Variants in ADAMTSL1 observed in about 807,000 individuals in gnomAD.
ADAMTSL1 encodes the protein ADAMTS-like protein 1.
In ADAMTSL1, 126 loss-of-function variants were observed where a neutral mutation model predicts 201.8. The observed-to-expected ratio is 0.62, with a 90% CI of 0.54 to 0.72. ADAMTSL1 has a LOEUF of 0.72. Among genes scored for constraint, ADAMTSL1 ranks in the 30% least tolerant of loss-of-function variants. The pLI is 0.00. For missense variants in ADAMTSL1, 2,679 were observed against 2,277.8 expected, an observed-to-expected ratio of 1.18 and a Z score of -3.59; for synonymous variants, 1,121 against 903.4, an observed-to-expected ratio of 1.24 and a Z score of -4.32.
intron 10 of ADAMTSL1, among the ~76,000 whole-genome samples, chr9:18,679,881 A>G (rs1321022028): frequency 2.0e-5 from 3 of 152,234 alleles, no homozygotes; most frequent in African/African-American, 7.2e-5. Flanking sequence ...TTGAAAATAA[A>G]AAGTATCTGC....
intron 4 of ADAMTSL1, among the ~76,000 whole-genome samples, chr9:18,592,504 G>A (rs1357552697): frequency 2.0e-5 from 3 of 152,108 alleles, no homozygotes; most frequent in Non-Finnish European, 4.4e-5. Flanking sequence ...GATCAGCTTC[G>A]ATGATTGCTC....
chr9:18,164,811 C>T (rs1194772343), intron 2 of ADAMTSL1, among the ~76,000 whole-genome samples: 1 of 151,838 alleles, frequency 6.6e-6, no homozygotes. Flanking sequence ...TCTTGACTGC[C>T]CTCTCTCAAG....
At position 17,946,162 on chromosome 9, in the gene ADAMTSL1, A is replaced by AT. The variant is rs113786695; in HGVS notation, c.87+39251dup. Among the ~76,000 whole-genome samples the AT allele has an allele frequency of 6.1e-3, 863 of 140,472 alleles. 8 individuals are homozygous for AT. The highest frequency in any genetic ancestry group is 0.014 in the South Asian group (64 of 4,422). 92.2% of individuals were successfully genotyped at this position (140,472 alleles called of 152,430 possible). On this transcript the variant is annotated intron_variant, in intron 1 of 29. Coordinates refer to the ADAMTSL1 transcript ENST00000680146. Reference sequence around the variant, plus strand: ...TCTCTCATGACCACCATGCCCAGCTATTTTTTTTTTTATTTTGAGTAGAGA... The same window carrying AT: ...TCTCTCATGACCACCATGCCCAGCTATTTTTTTTTTTTATTTTGAGTAGAGA...
intron 1 of ADAMTSL1, among the ~76,000 whole-genome samples, chr9:17,924,113 T>G (rs1826421154): frequency 6.7e-6 from 1 of 148,314 alleles, no homozygotes; most frequent in Admixed American, 6.7e-5. Context: ...CTGCCCGGCT[T>G]TGGTATCAGA....
chr9:18,879,365 C>T (rs1443880766), intron 23 of ADAMTSL1, among the ~76,000 whole-genome samples: 3 of 152,186 alleles, frequency 2.0e-5, no homozygotes, highest in South Asian at 2.1e-4. Context: ...AACTAACCTT[C>T]ACAGTAACAA....
intron 2 of ADAMTSL1, among the ~76,000 whole-genome samples, chr9:18,289,355 C>T (rs1309709988): frequency 6.6e-6 from 1 of 152,102 alleles, no homozygotes; most frequent in Admixed American, 6.5e-5. Flanking sequence ...TCACAGATAC[C>T]CAGAATGATG....
intron 1 of ADAMTSL1, among the ~76,000 whole-genome samples, chr9:18,163,535 T>G (rs1431868426): frequency 3.3e-5 from 5 of 151,896 alleles, no homozygotes; most frequent in Non-Finnish European, 7.4e-5. Context: ...TGAGTTCAGA[T>G]CCATGGATAG....
chr9:18,855,754 C>A (rs1826800169), intron 23 of ADAMTSL1, among the ~76,000 whole-genome samples: 1 of 152,110 alleles, frequency 6.6e-6, no homozygotes, highest in African/African-American at 2.4e-5. Context: ...AATGAGCTCC[C>A]TGTACATTTT....
At chr9:18,150,571 A>T (rs1262280924) in intron 1 of ADAMTSL1, among the ~76,000 whole-genome samples, 1 of 152,024 alleles carries the variant, frequency 6.6e-6, no homozygotes, top group African/African-American at 2.4e-5. Flanking sequence ...AGGAAGGAAA[A>T]CCTTTGGCTA....
chr9:18,040,943 T>C lies in ADAMTSL1; in HGVS notation c.88-122919T>C, dbSNP rs187585160. Among the ~76,000 whole-genome samples, 11 of 152,292 alleles carry C rather than the reference T, an allele frequency of 7.2e-5. No homozygotes were observed. In the East Asian group the frequency reaches 2.1e-3, roughly 29 times the overall value. On this transcript the variant is annotated intron_variant, in intron 1 of 29. Transcript: ENST00000680146. Reference sequence around the variant, plus strand: ...AATAAACTCATTTGGCACCAATTGGTTTTAAAAAATATATTTTAATGAAAA... The same window carrying C: ...AATAAACTCATTTGGCACCAATTGGCTTTAAAAAATATATTTTAATGAAAA...
intron 2 of ADAMTSL1, among the ~76,000 whole-genome samples, chr9:18,331,391 G>A (rs1224641980): frequency 6.6e-6 from 1 of 152,150 alleles, no homozygotes; most frequent in Non-Finnish European, 1.5e-5. Flanking sequence ...GTTGGCCTAT[G>A]GTTTTTAAGA....
rs529491125 is a variant in ADAMTSL1 at position 18,030,350 on chromosome 9, G to T, written c.87+123428G>T. Among the ~76,000 whole-genome samples the T allele has an allele frequency of 5.9e-5, 9 of 152,100 alleles. No individual in the cohort carries two copies. The South Asian group carries it at 1.9e-3, about 32-fold the overall frequency. On this transcript the variant is annotated intron_variant, in intron 1 of 29. Transcript: ENST00000680146. ...CTCATAGGTGGGAATTGAACAATGA[G>T]AACACATGGACACAGGAAGGGGAAC...
chr9:18,328,530 G>C (rs969080404), intron 2 of ADAMTSL1, among the ~76,000 whole-genome samples: 1 of 152,188 alleles, frequency 6.6e-6, no homozygotes, highest in African/African-American at 2.4e-5. Flanking sequence ...TAGAGATGAG[G>C]AAATTGAGGC....
intron 24 of ADAMTSL1, 129 bp from the exon 25 acceptor site, chr9:18,889,439 T>C: frequency 9.8e-7 from 1 of 1,019,084 alleles, no homozygotes; most frequent in Admixed American, 2.8e-5. Context: ...GGGCCTCATT[T>C]ATAATAGCTC....
At chr9:18,696,973 G>A (rs552354070) in intron 13 of ADAMTSL1, among the ~76,000 whole-genome samples, 16 of 151,290 alleles carry the variant, frequency 1.1e-4, no homozygotes, top group African/African-American at 2.4e-4. Flanking sequence ...TCCACCTCCC[G>A]GGTTCAAGTC....
At chr9:18,890,563 A>G (rs773132550) in intron 25 of ADAMTSL1, 6 of 455,844 alleles carry the variant, frequency 1.3e-5, no homozygotes, top group Admixed American at 2.3e-5. Context: ...GCTGAGTCAT[A>G]AGGAGCAGCT....
At chr9:18,324,591 C>T (rs943371656) in intron 2 of ADAMTSL1, among the ~76,000 whole-genome samples, 19 of 152,068 alleles carry the variant, frequency 1.2e-4, no homozygotes, top group Admixed American at 2.6e-4. Context: ...ACGGTGAAAT[C>T]TCGTCTCTAC....
At chr9:17,967,767 T>G (rs1563923992) in intron 1 of ADAMTSL1, among the ~76,000 whole-genome samples, 1 of 152,140 alleles carries the variant, frequency 6.6e-6, no homozygotes, top group African/African-American at 2.4e-5. Context: ...TTCTGAAATA[T>G]TCTTTTGGTT....
rs1239535981 is a variant in ADAMTSL1 at position 18,905,835 on chromosome 9, C to G, written c.4905C>G (p.Phe1635Leu). Reference sequence around the variant, plus strand: ...TAGCTGTGCAACACAGACAAGTCTTCTGCCAGACACGGGATGGCATCACCT... The same window carrying G: ...TAGCTGTGCAACACAGACAAGTCTTGTGCCAGACACGGGATGGCATCACCT... ...PHLAVQHRQV[F>L]CQTRDGITLP... Residue 1635 changes from phenylalanine (F) to leucine (L), a missense_variant, in exon 27 of 29, where the codon TTC becomes TTG. Physicochemically the swap from Phe to Leu is conservative, Grantham distance 22. Coordinates refer to ENST00000380548, the MANE Select transcript of ADAMTSL1 (RefSeq NM_001040272.6). 3 of 1,613,724 alleles carry G rather than the reference C, an allele frequency of 1.9e-6. No homozygotes were observed. In the East Asian group the frequency reaches 6.7e-5, roughly 36 times the overall value.
Sources: gnomAD v4.1 joint callset for allele counts (sites outside exome capture counted in the v4.1 genomes callset) on GRCh38, gnomAD v4.1.1 for gene constraint, MANE v1.5 for transcripts, NCBI Gene and HGNC (gene_info 2026-07-23, HGNC 2026-07-21) for gene names.